The following SLCO1B1 variants were observed in gnomAD, a reference collection of about 807,000 sequenced individuals.
The protein encoded by SLCO1B1 is solute carrier organic anion transporter family member 1B1.
A neutral mutation model predicts 70.1 loss-of-function variants in SLCO1B1; 81 were observed. The ratio of observed to expected loss-of-function variants is 1.16; its 90% CI spans 0.97 to 1.39. The LOEUF is 1.39. Ranked by LOEUF, SLCO1B1 falls within the 40% of genes most tolerant of loss-of-function variation. The pLI is 0.00. For missense variants in SLCO1B1, 895 were observed against 799.6 expected, an observed-to-expected ratio of 1.12 and a Z score of -1.44; for synonymous variants, 283 against 271.5, an observed-to-expected ratio of 1.04 and a Z score of -0.42.
chr12:21,166,300 C>A (rs1376754462), intron 2 of SLCO1B1, among the ~76,000 whole-genome samples: 1 of 151,998 alleles, frequency 6.6e-6, no homozygotes, highest in Non-Finnish European at 1.5e-5. Flanking sequence ...TTGACAGCAA[C>A]AAGAGTAGGA....
intron 1 of SLCO1B1, among the ~76,000 whole-genome samples, chr12:21,137,842 G>A (rs915708886): frequency 6.6e-6 from 1 of 152,180 alleles, no homozygotes; most frequent in Admixed American, 6.5e-5. Flanking sequence ...TTCACCCACT[G>A]TCCTGCACCT....
chr12:21,233,586 A>C (rs1429891627), intron 14 of SLCO1B1, among the ~76,000 whole-genome samples: 1 of 127,664 alleles, frequency 7.8e-6, no homozygotes, highest in South Asian at 3.5e-4. Flanking sequence ...AAAAAAAAAC[A>C]AGAGCCCCAA....
chr12:21,148,391 T>C (rs1044733486), intron 2 of SLCO1B1, among the ~76,000 whole-genome samples: 1 of 152,158 alleles, frequency 6.6e-6, no homozygotes, highest in Admixed American at 6.5e-5. Context: ...TTGAATAAGG[T>C]GTAAGAAAGG....
chr12:21,216,856 C>G (rs1565441878), intron 11 of SLCO1B1, among the ~76,000 whole-genome samples: 1 of 152,054 alleles, frequency 6.6e-6, no homozygotes, highest in Non-Finnish European at 1.5e-5. Flanking sequence ...ATACAGAGTT[C>G]TAGGCACTAA....
chr12:21,136,905 C>G (rs965841445), intron 1 of SLCO1B1, among the ~76,000 whole-genome samples: 7 of 152,216 alleles, frequency 4.6e-5, no homozygotes, highest in African/African-American at 1.7e-4. Context: ...AGGAGAGGCG[C>G]TCTGATCTTT....
chr12:21,171,914 G>A (rs1316897064), intron 2 of SLCO1B1, among the ~76,000 whole-genome samples: 1 of 151,998 alleles, frequency 6.6e-6, no homozygotes, highest in African/African-American at 2.4e-5. Flanking sequence ...CTTATCAAGA[G>A]GGCTCCATTC....
intron 13 of SLCO1B1, 25 bp from the exon 14 acceptor site, chr12:21,224,697 G>T: frequency 7.7e-7 from 1 of 1,293,732 alleles, no homozygotes; most frequent in Non-Finnish European, 1.1e-6. Flanking sequence ...TCCCTAAACT[G>T]ACATCTTCTC....
chr12:21,146,871 A>G (rs1325082026), intron 2 of SLCO1B1, among the ~76,000 whole-genome samples: 2 of 152,116 alleles, frequency 1.3e-5, no homozygotes, highest in Non-Finnish European at 2.9e-5. Context: ...TATTCCATGT[A>G]AGCTTAAGAA....
At chr12:21,229,002 A>T (rs1412699532) in intron 14 of SLCO1B1, among the ~76,000 whole-genome samples, 2 of 143,140 alleles carry the variant, frequency 1.4e-5, no homozygotes, top group African/African-American at 2.6e-5. Context: ...AGTGGAATTT[A>T]AAAAAAAAAA....
rs113454822 is a variant in SLCO1B1 at position 21,139,913 on chromosome 12, C to T, written c.-61-1601C>T. Among the ~76,000 whole-genome samples, 15 of 151,650 alleles carry T rather than the reference C, an allele frequency of 9.9e-5. 1 individual carries two copies. The highest frequency in any genetic ancestry group is 3.3e-4 in the Admixed American group (5 of 15,112). ...GCCCCAAAGATAGTGCTGAAGTGCT[C>T]TCCGGTGCACAAGAGTATCTGAGGG... On this transcript the variant is annotated intron_variant, in intron 1 of 14. Transcript: ENST00000256958.
At chr12:21,153,047 G>A (rs1472618844) in intron 2 of SLCO1B1, among the ~76,000 whole-genome samples, 40 of 152,114 alleles carry the variant, frequency 2.6e-4, no homozygotes, top group Admixed American at 2.5e-3. Flanking sequence ...TGCAGTTTCT[G>A]TTCATGAGTC....
At chr12:21,221,215 G>A (rs1265865145) in intron 12 of SLCO1B1, among the ~76,000 whole-genome samples, 1 of 152,102 alleles carries the variant, frequency 6.6e-6, no homozygotes, top group South Asian at 2.1e-4. Flanking sequence ...CATACTGAAA[G>A]GAAAAAAGTT....
At chr12:21,175,713 A>G (rs1364783875) in intron 4 of SLCO1B1, among the ~76,000 whole-genome samples, 1 of 151,838 alleles carries the variant, frequency 6.6e-6, no homozygotes, top group Non-Finnish European at 1.5e-5. Flanking sequence ...TTCATTTTCT[A>G]TCTTTGTGTC....
rs536168641 is a variant in SLCO1B1, at chr12:21,235,496, A to G, written c.1866-3483A>G. Among the ~76,000 whole-genome samples the G allele has an allele frequency of 1.8e-4, 27 of 148,186 alleles. 1 individual carries two copies. The highest frequency in any genetic ancestry group is 1.2e-3 in the Admixed American group (17 of 14,608). ...AAGGTTGCCTTTTTTTTTTTAATCC[A>G]CTTTGCTACTCTATGTCTTTTATAT... On this transcript the variant is annotated intron_variant, in intron 14 of 14. Coordinates refer to ENST00000256958, the MANE Select transcript of SLCO1B1 (RefSeq NM_006446.5).
chr12:21,208,428 C>T (rs1941239059), intron 11 of SLCO1B1, among the ~76,000 whole-genome samples: 1 of 151,988 alleles, frequency 6.6e-6, no homozygotes, highest in Admixed American at 6.6e-5. Context: ...CATTGAAGAT[C>T]AGATGGTTTT....
chr12:21,239,144 A>G lies in SLCO1B1; in HGVS notation c.2031A>G (p.Lys677=). 6.2e-7 allele frequency: 1 copy of G among 1,613,312 alleles called. No individual in the cohort carries two copies. Among genetic ancestry groups the G allele is most frequent in the Non-Finnish European group, 8.5e-7 (1 of 1,179,526 alleles). Residue 677 remains lysine, a synonymous_variant, in exon 15 of 15, where the codon AAA becomes AAG. Coordinates refer to ENST00000256958, the MANE Select transcript of SLCO1B1 (RefSeq NM_006446.5). The part of the protein sequence containing the change: ...EANLESLNKN[K]HFVPSAGADS... The stretch of plus-strand genomic sequence containing the variant: ...ACTTAGAATCCTTAAATAAAAATAA[A>G]CATTTTGTCCCTTCTGCTGGGGCAG...
intron 14 of SLCO1B1, among the ~76,000 whole-genome samples, chr12:21,235,009 C>A (rs757378396): frequency 3.3e-5 from 5 of 150,910 alleles, no homozygotes; most frequent in Non-Finnish European, 4.4e-5. Flanking sequence ...AATGCATTTT[C>A]TCTGATTTTT....
intron 14 of SLCO1B1, among the ~76,000 whole-genome samples, chr12:21,238,402 T>C (rs12371604): frequency 0.26 from 39,683 of 151,976 alleles, 5,941 homozygotes; most frequent in East Asian, 0.73. Context: ...TTAAATTCCA[T>C]TTTGAAAATT....
chr12:21,148,996 A>G lies in SLCO1B1; in HGVS notation c.84+7338A>G, dbSNP rs113006983. On this transcript the variant is annotated intron_variant, in intron 2 of 14. Coordinates refer to ENST00000256958, the MANE Select transcript of SLCO1B1 (RefSeq NM_006446.5). ...TTCTCATTGTAGCAATTGTGAATGGAAGTTCACTCATGATTTGGCTCTCTG... is the reference window on the plus strand; with the variant it reads ...TTCTCATTGTAGCAATTGTGAATGGGAGTTCACTCATGATTTGGCTCTCTG... 1.1e-4 allele frequency among the ~76,000 whole-genome samples: 16 copies of G among 152,064 alleles called. 1 individual carries two copies. Among genetic ancestry groups the G allele is most frequent in the Admixed American group, 3.3e-4 (5 of 15,270 alleles).
Sources: allele counts gnomAD v4.1 joint callset (sites outside exome capture counted in the v4.1 genomes callset), GRCh38; gene constraint gnomAD v4.1.1; transcripts MANE v1.5; gene names NCBI Gene and HGNC (gene_info 2026-07-23, HGNC 2026-07-21).